Variants in PRKCE observed in about 807,000 individuals in gnomAD.
The protein encoded by PRKCE is protein kinase C epsilon.
In PRKCE, 16 loss-of-function variants were observed where a neutral mutation model predicts 85.4. The ratio of observed to expected loss-of-function variants is 0.19; its 90% CI spans 0.13 to 0.28. The LOEUF (loss-of-function observed/expected upper bound fraction) is 0.28. PRKCE is among the 10% of genes least tolerant of loss of function. The pLI is 1.00. For synonymous variants in PRKCE, 388 were observed against 371.5 expected (o/e 1.04, Z -0.51); for missense variants, 573 against 975.2 (o/e 0.59, Z 5.49).
rs71394861 is a variant in PRKCE, at chr2:45,944,655, A to ATTTTTTTTTTT, written c.413-31757_413-31747dup. 6.3e-4 allele frequency among the ~76,000 whole-genome samples: 48 copies of ATTTTTTTTTTT among 75,624 alleles called. 3 individuals carry two copies. The highest frequency in any genetic ancestry group is 9.7e-4 in the Non-Finnish European group (41 of 42,432). 49.6% of individuals were successfully genotyped at this position (75,624 alleles called of 152,430 possible). A position where few individuals can be genotyped will look rare whatever the true frequency, so the allele number is the denominator to read the frequency against. On this transcript the variant is annotated intron_variant, in intron 2 of 14. Coordinates refer to ENST00000306156, the MANE Select transcript of PRKCE (RefSeq NM_005400.3). ...AGGTGCGTGCCACCATACCCGGCTA[A>ATTTTTTTTTTT]TTTTTTTTTTTTTTTTTTTTTTTTT... is the stretch of plus-strand genomic sequence containing the variant.
At chr2:45,952,317 C>T (rs927803788) in intron 2 of PRKCE, among the ~76,000 whole-genome samples, 5 of 152,230 alleles carry the variant, frequency 3.3e-5, no homozygotes, top group Admixed American at 2.0e-4. Context: ...TTACACCATG[C>T]TGCCCCTGGG....
At chr2:45,853,798 G>T (rs908333019) in intron 2 of PRKCE, among the ~76,000 whole-genome samples, 1 of 152,114 alleles carries the variant, frequency 6.6e-6, no homozygotes, top group African/African-American at 2.4e-5. Flanking sequence ...TTCATGAGTG[G>T]GCATGGATCT....
intron 1 of PRKCE, among the ~76,000 whole-genome samples, chr2:45,707,663 A>C (rs187119619): frequency 1.3e-4 from 20 of 152,316 alleles, no homozygotes; most frequent in Admixed American, 3.9e-4. Flanking sequence ...GCTTTTGAGG[A>C]TCTGCACTGG....
chr2:45,984,428 CTAG>C, intron 5 of PRKCE, 120 bp from the exon 6 acceptor site: 1 of 1,414,850 alleles, frequency 7.1e-7, no homozygotes, highest in Non-Finnish European at 9.6e-7. Context: ...TAGAGCCAAG[CTAG>C]GGCCTGCCAC....
intron 2 of PRKCE, among the ~76,000 whole-genome samples, chr2:45,928,613 T>C (rs1034391380): frequency 6.6e-6 from 1 of 152,186 alleles, no homozygotes; most frequent in Non-Finnish European, 1.5e-5. Context: ...ATTTTAGTCC[T>C]TCCACAACAA....
chr2:45,675,912 C>T (rs1676422496), intron 1 of PRKCE, among the ~76,000 whole-genome samples: 1 of 152,142 alleles, frequency 6.6e-6, no homozygotes, highest in African/African-American at 2.4e-5. Context: ...GTGGAAGCGT[C>T]TCAGCATTTT....
At chr2:45,834,691 CT>C (rs1366123448) in intron 1 of PRKCE, among the ~76,000 whole-genome samples, 2 of 152,186 alleles carry the variant, frequency 1.3e-5, no homozygotes, top group African/African-American at 4.8e-5. Context: ...TTTATCCCCC[CT>C]CCACTTAATG....
rs139421926 is a variant in PRKCE at position 45,952,674 on chromosome 2, C to G, written c.413-23755C>G. Among the ~76,000 whole-genome samples, 355 of 152,306 alleles carry G rather than the reference C, an allele frequency of 2.3e-3. 3 individuals carry two copies. The highest frequency in any genetic ancestry group is 7.9e-3 in the African/African-American group (328 of 41,560). On this transcript the variant is annotated intron_variant, in intron 2 of 14. Transcript: ENST00000306156. ...CTTCAAAAGCACTCACCACAGGATT[C>G]CCTTATATAGCACTTAATGTACTTA...
At chr2:45,939,616 G>A (rs1436862356) in intron 2 of PRKCE, among the ~76,000 whole-genome samples, 2 of 151,784 alleles carry the variant, frequency 1.3e-5, no homozygotes, top group African/African-American at 2.4e-5. Context: ...GTGCAGTGGC[G>A]CAATCTCAGC....
intron 2 of PRKCE, among the ~76,000 whole-genome samples, chr2:45,858,020 G>A (rs938301925): frequency 1.3e-5 from 2 of 152,234 alleles, no homozygotes; most frequent in African/African-American, 2.4e-5. Context: ...TCCACGTGTG[G>A]CCTGTGTGCT....
At chr2:45,969,655 T>C (rs1701977969) in intron 2 of PRKCE, among the ~76,000 whole-genome samples, 1 of 152,274 alleles carries the variant, frequency 6.6e-6, no homozygotes, top group Non-Finnish European at 1.5e-5. Flanking sequence ...CCCCCACTCC[T>C]GCAGCATGAG....
intron 1 of PRKCE, among the ~76,000 whole-genome samples, chr2:45,713,846 C>G (rs1314209850): frequency 6.6e-6 from 1 of 152,194 alleles, no homozygotes; most frequent in Non-Finnish European, 1.5e-5. Flanking sequence ...GTGGTTATAA[C>G]AGAGAGATAC....
intron 1 of PRKCE, among the ~76,000 whole-genome samples, chr2:45,764,145 G>T (rs1343228095): frequency 6.6e-6 from 1 of 152,192 alleles, no homozygotes; most frequent in Non-Finnish European, 1.5e-5. Flanking sequence ...GAACCAAAAA[G>T]AGTCCTCCCA....
At chr2:45,679,839 G>A (rs563801332) in intron 1 of PRKCE, among the ~76,000 whole-genome samples, 15 of 152,174 alleles carry the variant, frequency 9.9e-5, no homozygotes, top group Non-Finnish European at 1.6e-4. Flanking sequence ...GACTGGTTCA[G>A]CTTGGCTCTT....
intron 2 of PRKCE, among the ~76,000 whole-genome samples, chr2:45,849,775 C>A (rs143248491): frequency 6.6e-6 from 1 of 152,164 alleles, no homozygotes; most frequent in African/African-American, 2.4e-5. Context: ...ATGCACCCCA[C>A]GTTACCACAC....
intron 12 of PRKCE, among the ~76,000 whole-genome samples, chr2:46,149,533 G>C (rs112729100): frequency 1.3e-4 from 20 of 152,172 alleles, no homozygotes; most frequent in African/African-American, 4.8e-4. Flanking sequence ...AGAGTGGACA[G>C]CTCAGCATTT....
chr2:45,896,377 G>A (rs1458018643), intron 2 of PRKCE, among the ~76,000 whole-genome samples: 4 of 152,104 alleles, frequency 2.6e-5, no homozygotes, highest in Admixed American at 6.5e-5. Flanking sequence ...TGGACTTTAC[G>A]TGGCTGTGGC....
At chr2:46,053,572 A>G (rs1450625189) in intron 10 of PRKCE, among the ~76,000 whole-genome samples, 2 of 152,192 alleles carry the variant, frequency 1.3e-5, no homozygotes, top group African/African-American at 4.8e-5. Context: ...TGACCATTCT[A>G]GGTACCTCAT....
At chr2:46,092,760 T>G (rs1670297790) in intron 11 of PRKCE, among the ~76,000 whole-genome samples, 1 of 152,100 alleles carries the variant, frequency 6.6e-6, no homozygotes, top group Non-Finnish European at 1.5e-5. Context: ...GCATACGAAG[T>G]TGTGATGTAA....
Sources: gnomAD v4.1 joint callset for allele counts (sites outside exome capture counted in the v4.1 genomes callset) on GRCh38, gnomAD v4.1.1 for gene constraint, MANE v1.5 for transcripts, NCBI Gene and HGNC (gene_info 2026-07-23, HGNC 2026-07-21) for gene names.